The following FGF12 variants were observed in gnomAD, a reference collection of about 807,000 sequenced individuals.
FGF12 encodes fibroblast growth factor 12B.
Under a neutral mutation model 23.6 loss-of-function variants are expected in FGF12, and 14 were observed. The observed-to-expected ratio is 0.59, with a 90% CI of 0.39 to 0.93. The LOEUF is 0.93. Ranked by LOEUF, FGF12 falls within the 40% of genes least tolerant of loss-of-function variation. The pLI is 0.00. For synonymous variants in FGF12, 62 were observed against 77.3 expected (o/e 0.80, Z 1.04); for missense variants, 175 against 217.8 (o/e 0.80, Z 1.24).
At chr3:192,166,453 T>C (rs1715166730) in intron 5 of FGF12, among the ~76,000 whole-genome samples, 1 of 152,246 alleles carries the variant, frequency 6.6e-6, no homozygotes, top group African/African-American at 2.4e-5. Context: ...AAGTTACATC[T>C]ACATCTTTCT....
At chr3:192,201,549 C>T (rs1364699618) in intron 4 of FGF12, among the ~76,000 whole-genome samples, 2 of 152,156 alleles carry the variant, frequency 1.3e-5, no homozygotes, top group African/African-American at 4.8e-5. Flanking sequence ...ACTGATATAG[C>T]TCCAATCAGG....
At chr3:192,470,973 A>G (rs2108813548) in intron 2 of FGF12, among the ~76,000 whole-genome samples, 1 of 152,200 alleles carries the variant, frequency 6.6e-6, no homozygotes, top group African/African-American at 2.4e-5. Context: ...CTGACCACCT[A>G]TTGAAATTAC....
At chr3:192,332,096 A>G (rs1416125747) in intron 4 of FGF12, among the ~76,000 whole-genome samples, 3 of 152,174 alleles carry the variant, frequency 2.0e-5, no homozygotes, top group African/African-American at 4.8e-5. Context: ...AACATTCATT[A>G]ATTTAACGAT....
At chr3:192,429,938 T>C (rs970227423) in intron 2 of FGF12, among the ~76,000 whole-genome samples, 2 of 152,112 alleles carry the variant, frequency 1.3e-5, no homozygotes, top group Non-Finnish European at 2.9e-5. Flanking sequence ...CCACACAGAG[T>C]AGATTTTCAA....
chr3:192,709,629 TC>T (rs1334896030), intron 2 of FGF12, among the ~76,000 whole-genome samples: 1 of 152,234 alleles, frequency 6.6e-6, no homozygotes, highest in Non-Finnish European at 1.5e-5. Flanking sequence ...TTTCAAATTC[TC>T]TTCTGACCAA....
chr3:192,181,138 T>C (rs975674652), intron 4 of FGF12, among the ~76,000 whole-genome samples: 5 of 152,014 alleles, frequency 3.3e-5, no homozygotes, highest in African/African-American at 7.3e-5. Context: ...TGCTCCAGGA[T>C]TGAGAGCTGA....
chr3:192,251,305 G>GT, intron 4 of FGF12, among the ~76,000 whole-genome samples: 1 of 152,186 alleles, frequency 6.6e-6, no homozygotes. Context: ...CTGATAGAGA[G>GT]TAAGTTGTGC....
In FGF12 at chr3:192,143,932, T is replaced by C. The variant is rs996947590; in HGVS notation, c.*77A>G. 1 of 908,232 alleles carries C rather than the reference T, an allele frequency of 1.1e-6. No individual in the cohort carries two copies. Among genetic ancestry groups the C allele is most frequent in the Non-Finnish European group, 1.8e-6 (1 of 556,252 alleles). The allele number at this position is 908,232 out of a possible 1,614,324, so 56.3% of individuals were successfully genotyped here. A position where few individuals can be genotyped will look rare whatever the true frequency, so the allele number is the denominator to read the frequency against. ...TTTATTTTCCTCTCCTTGGGTGGATTTACTGGAAGGAAATGGGTAAATGGG... is the reference window on the plus strand; with the variant it reads ...TTTATTTTCCTCTCCTTGGGTGGATCTACTGGAAGGAAATGGGTAAATGGG... On this transcript the variant is annotated 3_prime_UTR_variant, in exon 6 of 6. Transcript: ENST00000445105.
At position 192,240,133 on chromosome 3, in the gene FGF12, T is replaced by C. The variant is rs562378163; in HGVS notation, c.229-69477A>G. The stretch of plus-strand genomic sequence containing the variant: ...CCCTTATGGTAATCCATTAGTATGC[T>C]GAAGGCTCAGAGGAAATAGTACAAA... On this transcript the variant is annotated intron_variant, in intron 4 of 5. Transcript: ENST00000445105. Among the ~76,000 whole-genome samples the C allele has an allele frequency of 2.0e-3, 303 of 152,288 alleles. 1 individual carries two copies. Among genetic ancestry groups the C allele is most frequent in the Non-Finnish European group, 2.9e-3 (197 of 68,034 alleles).
chr3:192,487,627 T>A (rs1355714431), intron 2 of FGF12, among the ~76,000 whole-genome samples: 1 of 152,124 alleles, frequency 6.6e-6, no homozygotes, highest in Admixed American at 6.6e-5. Context: ...AGTGTTTTAG[T>A]TGGCAAAATC....
chr3:192,188,557 G>A (rs9875908), intron 4 of FGF12, among the ~76,000 whole-genome samples: 3,663 of 152,208 alleles, frequency 0.024, 166 homozygotes, highest in African/African-American at 0.084. Context: ...AATAAGCTTC[G>A]ATAATAAGTT....
intron 2 of FGF12, among the ~76,000 whole-genome samples, chr3:192,456,729 G>C (rs1018030049): frequency 9.2e-5 from 14 of 152,156 alleles, no homozygotes; most frequent in African/African-American, 3.4e-4. Flanking sequence ...ACACCCTGCA[G>C]GGTTTAGCTA....
intron 2 of FGF12, among the ~76,000 whole-genome samples, chr3:192,557,651 A>G (rs1711843576): frequency 1.3e-5 from 2 of 151,848 alleles, no homozygotes; most frequent in Non-Finnish European, 1.5e-5. Flanking sequence ...ATGAATACAT[A>G]CGTAAAAATT....
At chr3:192,168,493 T>C (rs138435719) in intron 5 of FGF12, among the ~76,000 whole-genome samples, 6,193 of 152,252 alleles carry the variant, frequency 0.041, 196 homozygotes, top group South Asian at 0.059. Context: ...CTCAATGATA[T>C]CTTACTTTTT....
chr3:192,641,307 G>T (rs1560178583), intron 2 of FGF12, among the ~76,000 whole-genome samples: 1 of 90,220 alleles, frequency 1.1e-5, no homozygotes, highest in Non-Finnish European at 2.4e-5. Context: ...GGGTTTCACC[G>T]TTTTAGCCGG....
chr3:192,406,015 A>T (rs182022479), intron 2 of FGF12, among the ~76,000 whole-genome samples: 1 of 152,324 alleles, frequency 6.6e-6, no homozygotes, highest in East Asian at 1.9e-4. Flanking sequence ...CTTTAGCTAA[A>T]GGAAGTCACC....
rs1226242851 is a variant in FGF12 at position 192,589,963 on chromosome 3, T to C, written c.13+137218A>G. Among the ~76,000 whole-genome samples, 3 of 151,886 alleles carry C rather than the reference T, an allele frequency of 2.0e-5. No individual in the cohort carries two copies. The East Asian group carries it at 5.8e-4, about 29-fold the overall frequency. Reference sequence around the variant, plus strand: ...GAGAGAAACTCTTATCTTCCTTCTCTACCAAGATGGAGGTTGGTATTGTTT... The same window carrying C: ...GAGAGAAACTCTTATCTTCCTTCTCCACCAAGATGGAGGTTGGTATTGTTT... On this transcript the variant is annotated intron_variant, in intron 2 of 5. Coordinates refer to ENST00000445105, the MANE Select transcript of FGF12 (RefSeq NM_004113.6).
At chr3:192,161,091 T>C (rs1397240423) in intron 5 of FGF12, among the ~76,000 whole-genome samples, 1 of 152,030 alleles carries the variant, frequency 6.6e-6, no homozygotes, top group Admixed American at 6.6e-5. Context: ...GTATATATGG[T>C]GCATTATAGA....
At position 192,497,519 on chromosome 3, in the gene FGF12, A is replaced by T. The variant is rs143025032; in HGVS notation, c.14-136981T>A. Among the ~76,000 whole-genome samples the T allele has an allele frequency of 2.5e-3, 381 of 152,292 alleles. 2 individuals carry two copies. The highest frequency in any genetic ancestry group is 8.7e-3 in the African/African-American group (360 of 41,576). On this transcript the variant is annotated intron_variant, in intron 2 of 5. Coordinates refer to ENST00000445105, the MANE Select transcript of FGF12 (RefSeq NM_004113.6). The stretch of plus-strand genomic sequence containing the variant: ...CCTTCCATGACTTCCCATAATCCTC[A>T]TTCCCAAATATATGTCACAGTGTAA...
Sources: gnomAD v4.1 joint callset for allele counts (sites outside exome capture counted in the v4.1 genomes callset) on GRCh38, gnomAD v4.1.1 for gene constraint, MANE v1.5 for transcripts, NCBI Gene and HGNC (gene_info 2026-07-23, HGNC 2026-07-21) for gene names.